Variants in HPSE2 observed in about 807,000 individuals in gnomAD.
HPSE2 encodes inactive heparanase-2.
A neutral mutation model predicts 60.5 loss-of-function variants in HPSE2; 38 were observed. That is an observed-to-expected ratio of 0.63 (90% CI 0.48 to 0.82). HPSE2 has a LOEUF of 0.82. Among genes scored for constraint, HPSE2 ranks in the 40% least tolerant of loss-of-function variants. The pLI, the probability that HPSE2 is intolerant of heterozygous loss-of-function variation, is 0.00. For missense variants in HPSE2, 713 were observed against 740.4 expected, an observed-to-expected ratio of 0.96 and a Z score of 0.43; for synonymous variants, 295 against 293.2, an observed-to-expected ratio of 1.01 and a Z score of -0.06.
intron 3 of HPSE2, among the ~76,000 whole-genome samples, chr10:98,758,407 G>T (rs185473037): frequency 4.0e-4 from 60 of 151,734 alleles, no homozygotes; most frequent in Admixed American, 1.2e-3. Flanking sequence ...CCTACAGAAT[G>T]GGAGAGAATA....
At chr10:99,107,415 C>A (rs1177429634) in intron 3 of HPSE2, among the ~76,000 whole-genome samples, 1 of 152,098 alleles carries the variant, frequency 6.6e-6, no homozygotes, top group Non-Finnish European at 1.5e-5. Flanking sequence ...TTTATCATGT[C>A]TTAGCAATTA....
At chr10:98,938,339 GA>G (rs1480602080) in intron 3 of HPSE2, among the ~76,000 whole-genome samples, 1 of 143,738 alleles carries the variant, frequency 7.0e-6, no homozygotes, top group Non-Finnish European at 1.5e-5. Flanking sequence ...TAAAAACTTT[GA>G]AAAAAATTTA....
At chr10:98,703,059 A>G (rs1420686659) in intron 5 of HPSE2, among the ~76,000 whole-genome samples, 1 of 152,180 alleles carries the variant, frequency 6.6e-6, no homozygotes, top group African/African-American at 2.4e-5. Context: ...AAAGAAGAAA[A>G]GAGAGAAGAA....
intron 9 of HPSE2, among the ~76,000 whole-genome samples, chr10:98,494,026 C>G (rs977989602): frequency 1.3e-5 from 2 of 152,164 alleles, no homozygotes; most frequent in Non-Finnish European, 2.9e-5. Context: ...TGCATTTATA[C>G]CAGCTTAACT....
chr10:98,602,692 G>A (rs1391188137), intron 9 of HPSE2, among the ~76,000 whole-genome samples: 1 of 152,076 alleles, frequency 6.6e-6, no homozygotes, highest in Non-Finnish European at 1.5e-5. Context: ...AAAGTGCCAA[G>A]ATGATTAAAT....
At chr10:99,291,875 G>T in the HPSE2 span, among the ~76,000 whole-genome samples, 1 of 152,078 alleles carries the variant, frequency 6.6e-6, no homozygotes, top group Admixed American at 6.5e-5. Flanking sequence ...GCCTATAGTG[G>T]GTTCCAAACT....
At position 98,828,612 on chromosome 10, in the gene HPSE2, C is replaced by T. The variant is rs576748716; in HGVS notation, c.611-84556G>A. On this transcript the variant is annotated intron_variant, in intron 3 of 11. Transcript: ENST00000370552. ...TACATAAAAATATGTTCAACCATCACTAATCATTCAGGAAATGCAAATCAA... is the reference window on the plus strand; with the variant it reads ...TACATAAAAATATGTTCAACCATCATTAATCATTCAGGAAATGCAAATCAA... 2.0e-5 allele frequency among the ~76,000 whole-genome samples: 3 copies of T among 152,332 alleles called. No homozygotes were observed. In the East Asian group the frequency reaches 5.8e-4, roughly 29 times the overall value.
At chr10:99,013,971 G>A in intron 3 of HPSE2, 2 of 388,690 alleles carry the variant, frequency 5.1e-6, no homozygotes, top group South Asian at 2.0e-5. Flanking sequence ...AGTGGACCCT[G>A]CCTCCAGACA....
chr10:99,153,759 T>A (rs1454311747), intron 2 of HPSE2, among the ~76,000 whole-genome samples: 1 of 152,236 alleles, frequency 6.6e-6, no homozygotes, highest in East Asian at 1.9e-4. Flanking sequence ...GGAGAATGAC[T>A]TTGACGAGCT....
intron 2 of HPSE2, among the ~76,000 whole-genome samples, chr10:99,154,979 A>G (rs1846471584): frequency 6.6e-6 from 1 of 151,044 alleles, no homozygotes; most frequent in Non-Finnish European, 1.5e-5. Context: ...CAGACTTAAA[A>G]CCAACAAAGA....
At chr10:98,605,026 A>G (rs1945536813) in intron 9 of HPSE2, among the ~76,000 whole-genome samples, 1 of 152,206 alleles carries the variant, frequency 6.6e-6, no homozygotes, top group Non-Finnish European at 1.5e-5. Context: ...TCTCAGGAAC[A>G]TGTATTATTT....
intron 9 of HPSE2, among the ~76,000 whole-genome samples, chr10:98,536,904 G>A (rs576775174): frequency 6.6e-6 from 1 of 152,220 alleles, no homozygotes; most frequent in South Asian, 2.1e-4. Context: ...GGCACAAGAT[G>A]GGGTTGGAGA....
At chr10:98,911,911 C>T (rs966403546) in intron 3 of HPSE2, among the ~76,000 whole-genome samples, 2 of 152,032 alleles carry the variant, frequency 1.3e-5, no homozygotes, top group Non-Finnish European at 2.9e-5. Context: ...GTTATTTGAC[C>T]TTGAGAAACT....
chr10:99,010,926 G>A (rs1956998210), intron 3 of HPSE2, among the ~76,000 whole-genome samples: 1 of 151,926 alleles, frequency 6.6e-6, no homozygotes, highest in South Asian at 2.1e-4. Context: ...GTGTCATGGG[G>A]GTTTGCTGTA....
At chr10:99,101,817 A>G (rs1844005015) in intron 3 of HPSE2, among the ~76,000 whole-genome samples, 1 of 152,266 alleles carries the variant, frequency 6.6e-6, no homozygotes, top group African/African-American at 2.4e-5. Flanking sequence ...ACTAGGACTC[A>G]GGATTAAGAA....
intron 9 of HPSE2, among the ~76,000 whole-genome samples, chr10:98,496,455 T>G (rs1188244031): frequency 3.9e-5 from 6 of 152,158 alleles, no homozygotes; most frequent in Admixed American, 3.9e-4. Flanking sequence ...TAGAGATCCT[T>G]GGTATTTAGA....
At chr10:99,221,827 G>A (rs1439846678) in intron 2 of HPSE2, among the ~76,000 whole-genome samples, 1 of 152,152 alleles carries the variant, frequency 6.6e-6, no homozygotes. Context: ...AAGGAGTGCA[G>A]ACTGACCTTA....
At chr10:98,849,278 T>G (rs1952110703) in intron 3 of HPSE2, among the ~76,000 whole-genome samples, 1 of 152,214 alleles carries the variant, frequency 6.6e-6, no homozygotes, top group Non-Finnish European at 1.5e-5. Flanking sequence ...GAGAGGTACT[T>G]CATCATGTGT....
intron 9 of HPSE2, among the ~76,000 whole-genome samples, chr10:98,507,621 C>T (rs1156859074): frequency 2.0e-5 from 3 of 152,116 alleles, no homozygotes; most frequent in African/African-American, 4.8e-5. Flanking sequence ...GCATTTCTCT[C>T]GGTTCCCTAT....
Sources: allele counts gnomAD v4.1 joint callset (sites outside exome capture counted in the v4.1 genomes callset), GRCh38; gene constraint gnomAD v4.1.1; transcripts MANE v1.5; gene names NCBI Gene and HGNC (gene_info 2026-07-23, HGNC 2026-07-21).